Variants in ASTN2 observed in about 807,000 individuals in gnomAD.
ASTN2 encodes the protein astrotactin-2.
A neutral mutation model predicts 139.8 loss-of-function variants in ASTN2; 54 were observed. The observed-to-expected ratio is 0.39, with a 90% CI of 0.31 to 0.48. The LOEUF is 0.48. Ranked by LOEUF, ASTN2 falls within the 20% of genes least tolerant of loss-of-function variation. The pLI is 0.95. For synonymous variants in ASTN2, 756 were observed against 719.5 expected, an observed-to-expected ratio of 1.05 and a Z score of -0.81; for missense variants, 1,565 against 1,725.1, an observed-to-expected ratio of 0.91 and a Z score of 1.64.
At chr9:117,368,832 C>T (rs1354841156) in intron 1 of ASTN2, among the ~76,000 whole-genome samples, 2 of 152,128 alleles carry the variant, frequency 1.3e-5, no homozygotes, top group Non-Finnish European at 2.9e-5. Context: ...TCCCCACTGA[C>T]AAAGGATTAC....
At chr9:117,281,751 C>T (rs1834330545) in intron 2 of ASTN2, among the ~76,000 whole-genome samples, 1 of 152,078 alleles carries the variant, frequency 6.6e-6, no homozygotes, top group Non-Finnish European at 1.5e-5. Flanking sequence ...CTCTGGATCT[C>T]CCCTCTCCTT....
chr9:116,953,363 C>A (rs1244353346), intron 10 of ASTN2, among the ~76,000 whole-genome samples: 5 of 152,152 alleles, frequency 3.3e-5, no homozygotes, highest in Non-Finnish European at 7.3e-5. Flanking sequence ...ATTGTTTTGG[C>A]TAGAGAGCAG....
chr9:117,012,310 A>G (rs1011530400), intron 6 of ASTN2, among the ~76,000 whole-genome samples: 1 of 152,138 alleles, frequency 6.6e-6, no homozygotes, highest in South Asian at 2.1e-4. Flanking sequence ...TTATTCACCC[A>G]ATGGGCTCAT....
rs536548804 is a variant in ASTN2, at chr9:116,738,187, G to A, written c.2397-4664C>T. 2.2e-4 allele frequency among the ~76,000 whole-genome samples: 29 copies of A among 133,190 alleles called. 1 individual carries two copies. The highest frequency in any genetic ancestry group is 8.3e-4 in the Admixed American group (11 of 13,236). 87.4% of individuals were successfully genotyped at this position (133,190 alleles called of 152,430 possible). ...AGCCTGGGCGACAGAGCGAGACTCC[G>A]TCTCAAAAAAAAAAAAAAGACTACA... On this transcript the variant is annotated intron_variant, in intron 13 of 22. Coordinates refer to ENST00000313400, the MANE Select transcript of ASTN2 (RefSeq NM_001365068.1).
rs137857051 is a variant in ASTN2 at position 116,992,726 on chromosome 9, C to G, written c.1591+15366G>C. On this transcript the variant is annotated intron_variant, in intron 7 of 22. Transcript: ENST00000313400. ...GTCTTGGGCTCAAACACATGGGGGACACACAACGAGCAGGTTCCTCAACTC... is the reference window on the plus strand; with the variant it reads ...GTCTTGGGCTCAAACACATGGGGGAGACACAACGAGCAGGTTCCTCAACTC... 7.6e-4 allele frequency among the ~76,000 whole-genome samples: 116 copies of G among 152,258 alleles called. 1 individual carries two copies. The highest frequency in any genetic ancestry group is 2.7e-3 in the African/African-American group (111 of 41,558).
intron 1 of ASTN2, among the ~76,000 whole-genome samples, chr9:117,319,420 A>G (rs1828250984): frequency 6.6e-6 from 1 of 152,034 alleles, no homozygotes; most frequent in African/African-American, 2.4e-5. Context: ...CTACTTCACA[A>G]GGCATTAATA....
chr9:117,282,048 G>A (rs1334502233), intron 2 of ASTN2, among the ~76,000 whole-genome samples: 3 of 151,984 alleles, frequency 2.0e-5, no homozygotes, highest in African/African-American at 7.3e-5. Flanking sequence ...CTTCCTCCAT[G>A]CTTTTTATTC....
chr9:116,651,862 T>C (rs1170662453), intron 16 of ASTN2, 69 bp from the exon 17 acceptor site: 10 of 1,548,722 alleles, frequency 6.5e-6, no homozygotes, highest in Non-Finnish European at 8.8e-6. Flanking sequence ...GACTCTTGAA[T>C]TCACAAAATA....
chr9:116,733,466 C>A lies in ASTN2; in HGVS notation c.2454G>T (p.Pro818=). 6.2e-7 allele frequency: 1 copy of A among 1,614,142 alleles called. No homozygotes were observed. Among genetic ancestry groups the A allele is most frequent in the Non-Finnish European group, 8.5e-7 (1 of 1,180,030 alleles). The stretch of plus-strand genomic sequence containing the variant: ...CCCGGCACTGCTCCTCCACCGGCAG[C>A]GGGATCACCAACAGCCCATCGGCCA... The part of the protein sequence containing the change: ...PQLADGLLVI[P]LPVEEQCRGV... The change falls in exon 14 of 23, where the codon CCG becomes CCT. Residue 818 remains proline (P), a synonymous_variant. Coordinates refer to ENST00000313400, the MANE Select transcript of ASTN2 (RefSeq NM_001365068.1).
rs187314272 is a variant in ASTN2, at chr9:116,867,260, C to G, written c.1890-3527G>C. Among the ~76,000 whole-genome samples the G allele has an allele frequency of 5.9e-5, 9 of 151,494 alleles. No individual in the cohort carries two copies. In the East Asian group the frequency reaches 1.4e-3, roughly 23 times the overall value. The stretch of plus-strand genomic sequence containing the variant: ...TAAACAGAACAAATGTGTAAGTGTG[C>G]CGAGGAGAGGGAGAGAAGGTGGGAG... On this transcript the variant is annotated intron_variant, in intron 10 of 22. Transcript: ENST00000313400.
intron 19 of ASTN2, among the ~76,000 whole-genome samples, chr9:116,497,913 T>G (rs114324436): frequency 0.026 from 3,913 of 152,290 alleles, 142 homozygotes; most frequent in African/African-American, 0.081. Flanking sequence ...TACGATGTGC[T>G]TCCTATCAGA....
chr9:116,976,602 A>G, intron 8 of ASTN2, 99 bp downstream of exon 8: 1 of 989,526 alleles, frequency 1.0e-6, no homozygotes, highest in East Asian at 2.4e-5. Context: ...GCAGAGAAAG[A>G]GTCCTCTTTG....
In ASTN2 at chr9:116,453,593, C is replaced by CAAAAAAAAAAAAAA. The variant is rs386416019; in HGVS notation, c.3498-11054_3498-11041dup. 1.5e-4 allele frequency among the ~76,000 whole-genome samples: 9 copies of CAAAAAAAAAAAAAA among 58,796 alleles called. No homozygotes were observed. The East Asian group carries it at 4.2e-3, about 28-fold the overall frequency. The allele number at this position is 58,796 out of a possible 152,430, so 38.6% of individuals were successfully genotyped here. A position where few individuals can be genotyped will look rare whatever the true frequency, so the allele number is the denominator to read the frequency against. On this transcript the variant is annotated intron_variant, in intron 20 of 22. Transcript: ENST00000313400. ...TGGGCAAAAGTGCGAGACTCCGTCTCAAAAAAAAAAAAAAAAAAAAAAAAA... is the reference window on the plus strand; with the variant it reads ...TGGGCAAAAGTGCGAGACTCCGTCTCAAAAAAAAAAAAAAAAAAAAAAAAAAAAAAAAAAAAAAA...
chr9:117,354,396 C>A (rs1448515507), intron 1 of ASTN2, among the ~76,000 whole-genome samples: 1 of 152,106 alleles, frequency 6.6e-6, no homozygotes, highest in Non-Finnish European at 1.5e-5. Flanking sequence ...ACTGCAGGGG[C>A]TTTGCATATG....
At chr9:117,320,556 C>T (rs1828294494) in intron 1 of ASTN2, among the ~76,000 whole-genome samples, 1 of 152,138 alleles carries the variant, frequency 6.6e-6, no homozygotes, top group African/African-American at 2.4e-5. Context: ...CCAAAAGTCA[C>T]AGAGTTGAAC....
intron 19 of ASTN2, among the ~76,000 whole-genome samples, chr9:116,563,141 C>T (rs1234787769): frequency 2.6e-5 from 4 of 151,874 alleles, no homozygotes; most frequent in East Asian, 1.9e-4. Context: ...TTTGGGAGGC[C>T]GAGGTGGGCG....
intron 19 of ASTN2, among the ~76,000 whole-genome samples, chr9:116,595,631 G>A (rs1854539460): frequency 6.6e-6 from 1 of 151,960 alleles, no homozygotes; most frequent in Admixed American, 6.6e-5. Context: ...GGCCACTCTT[G>A]CTTCATTCTT....
intron 5 of ASTN2, among the ~76,000 whole-genome samples, chr9:117,073,353 G>C (rs1828187036): frequency 6.6e-6 from 1 of 151,950 alleles, no homozygotes; most frequent in South Asian, 2.1e-4. Context: ...ATATTGCTTG[G>C]TTCATTCCAC....
intron 2 of ASTN2, among the ~76,000 whole-genome samples, chr9:117,258,580 A>C (rs1391227897): frequency 6.6e-6 from 1 of 152,124 alleles, no homozygotes; most frequent in Non-Finnish European, 1.5e-5. Context: ...TTCTAAAGCC[A>C]TGCTTTGCTT....
Sources: allele counts gnomAD v4.1 joint callset (sites outside exome capture counted in the v4.1 genomes callset), GRCh38; gene constraint gnomAD v4.1.1; transcripts MANE v1.5; gene names NCBI Gene and HGNC (gene_info 2026-07-23, HGNC 2026-07-21).